R3HDM2: variants seen among roughly 807,000 people sequenced by gnomAD.
R3HDM2 encodes the protein R3H domain containing 2.
Under a neutral mutation model 124.5 loss-of-function variants are expected in R3HDM2, and 38 were observed. The ratio of observed to expected loss-of-function variants is 0.31; its 90% CI spans 0.24 to 0.40. The LOEUF (loss-of-function observed/expected upper bound fraction) is 0.40. R3HDM2 is among the 10% of genes least tolerant of loss of function. The probability of loss-of-function intolerance (pLI) is 1.00; values close to 1 mark genes in which losing one functional copy is unlikely to be tolerated. For missense variants in R3HDM2, 869 were observed against 1,236.9 expected (o/e 0.70, Z 4.46); for synonymous variants, 391 against 448.0 (o/e 0.87, Z 1.61).
intron 2 of R3HDM2, among the ~76,000 whole-genome samples, chr12:57,339,455 ACTTTGGGAGGC>A (rs912185251): frequency 6.6e-6 from 1 of 151,980 alleles, no homozygotes; most frequent in African/African-American, 2.4e-5. Context: ...TAATTCCAGC[ACTTTGGGAGGC>A]CGGTGGGTGG....
At chr12:57,393,444 T>G (rs1206762788) in intron 2 of R3HDM2, among the ~76,000 whole-genome samples, 1 of 152,082 alleles carries the variant, frequency 6.6e-6, no homozygotes, top group Non-Finnish European at 1.5e-5. Context: ...ATAGCCACTA[T>G]ACTCCAGCCT....
chr12:57,370,565 G>A (rs1049904404), intron 2 of R3HDM2, among the ~76,000 whole-genome samples: 4 of 152,182 alleles, frequency 2.6e-5, no homozygotes, highest in African/African-American at 7.2e-5. Context: ...GCTTGAACCC[G>A]GGAGGTGGAG....
At chr12:57,423,468 C>T (rs1249128292) in intron 1 of R3HDM2, among the ~76,000 whole-genome samples, 2 of 150,560 alleles carry the variant, frequency 1.3e-5, no homozygotes, top group Admixed American at 1.3e-4. Flanking sequence ...CAAGGTCTCC[C>T]ATATTCTTCC....
chr12:57,401,335 A>C (rs1441586460), intron 1 of R3HDM2, among the ~76,000 whole-genome samples: 1 of 151,962 alleles, frequency 6.6e-6, no homozygotes, highest in African/African-American at 2.4e-5. Flanking sequence ...ACCTCTTGGA[A>C]CCTAACCATC....
intron 2 of R3HDM2, among the ~76,000 whole-genome samples, chr12:57,348,693 C>CAAAAAAAAAAAAAAAAAAAAA (rs1168127324): frequency 8.0e-5 from 2 of 25,150 alleles, no homozygotes; most frequent in Admixed American, 5.7e-4. Context: ...GACTCCGTCT[C>CAAAAAAAAAAAAAAAAAAAAA]AAAAAAAAAA....
At chr12:57,349,795 C>T (rs1000135066) in intron 2 of R3HDM2, among the ~76,000 whole-genome samples, 1 of 152,056 alleles carries the variant, frequency 6.6e-6, no homozygotes, top group Admixed American at 6.6e-5. Flanking sequence ...CTCCTGTCCT[C>T]GTGATCCACC....
intron 2 of R3HDM2, among the ~76,000 whole-genome samples, chr12:57,320,284 A>AAAAAAAAAAAAAAAAAAAC: frequency 6.8e-6 from 1 of 147,016 alleles, no homozygotes; most frequent in Non-Finnish European, 1.5e-5. Flanking sequence ...AAAAAAAAAA[A>AAAAAAAAAAAAAAAAAAAC]AAAAGCCTTA....
At chr12:57,321,879 T>C (rs1043643475) in intron 2 of R3HDM2, among the ~76,000 whole-genome samples, 17 of 152,252 alleles carry the variant, frequency 1.1e-4, no homozygotes, top group African/African-American at 4.1e-4. Flanking sequence ...CCAGGACTGA[T>C]TGAAATATTC....
At chr12:57,326,370 A>G (rs1289998610) in intron 2 of R3HDM2, among the ~76,000 whole-genome samples, 1 of 152,256 alleles carries the variant, frequency 6.6e-6, no homozygotes, top group Non-Finnish European at 1.5e-5. Context: ...GCAGTTACCC[A>G]TCTGGTGAAT....
Position 57,296,869 on chromosome 12 carries a change from GC to G in R3HDM2, c.561-319del, listed in dbSNP as rs1196279057. 2.8e-5 allele frequency: 7 copies of G among 251,460 alleles called. No homozygotes were observed. Among genetic ancestry groups the G allele is most frequent in the Non-Finnish European group, 4.6e-5 (6 of 130,148 alleles). 15.6% of individuals were successfully genotyped at this position (251,460 alleles called of 1,614,324 possible). ...AATTGAGTTCAGGAGTTCAAGACCA[GC>G]CTGGTCAACATGGTGAAACCCCGTC... On this transcript the variant is annotated intron_variant, in intron 8 of 23. Transcript: ENST00000402412. This position sits in a 1 kb window ranked among gnomAD's most constrained non-coding sequence, Gnocchi z 4.5.
chr12:57,321,015 A>G (rs1566139879), intron 2 of R3HDM2, among the ~76,000 whole-genome samples: 1 of 152,200 alleles, frequency 6.6e-6, no homozygotes, highest in East Asian at 1.9e-4. Flanking sequence ...CAATTGATAC[A>G]TTTTAAAAAA....
At chr12:57,335,152 A>G (rs985528263) in intron 2 of R3HDM2, among the ~76,000 whole-genome samples, 1 of 151,686 alleles carries the variant, frequency 6.6e-6, no homozygotes, top group African/African-American at 2.4e-5. Flanking sequence ...TACAAAATAT[A>G]TAACATATAT....
chr12:57,260,940 C>T (rs545853935), intron 19 of R3HDM2, among the ~76,000 whole-genome samples: 1 of 152,210 alleles, frequency 6.6e-6, no homozygotes, highest in East Asian at 1.9e-4. Flanking sequence ...ATCATATTCC[C>T]CAGACCATTT....
chr12:57,314,833 G>T (rs1178562495), intron 2 of R3HDM2, among the ~76,000 whole-genome samples: 1 of 152,060 alleles, frequency 6.6e-6, no homozygotes, highest in African/African-American at 2.4e-5. Flanking sequence ...GAAAGAAAAG[G>T]TGATATAAAA....
chr12:57,332,011 G>A (rs981127492), intron 2 of R3HDM2, among the ~76,000 whole-genome samples: 1 of 151,812 alleles, frequency 6.6e-6, no homozygotes, highest in Non-Finnish European at 1.5e-5. Context: ...GATCATTTGA[G>A]CCCAGGAGGC....
intron 2 of R3HDM2, among the ~76,000 whole-genome samples, chr12:57,374,051 C>T (rs1172310391): frequency 6.6e-6 from 1 of 151,864 alleles, no homozygotes; most frequent in Non-Finnish European, 1.5e-5. Flanking sequence ...TTGCTTGAAC[C>T]CAGGAGACAG....
chr12:57,335,218 A>AT (rs950254169), intron 2 of R3HDM2, among the ~76,000 whole-genome samples: 12 of 151,212 alleles, frequency 7.9e-5, no homozygotes, highest in African/African-American at 2.4e-4. Context: ...CATACTTTTT[A>AT]TTTTTTTGAC....
chr12:57,336,446 A>G (rs966420485), intron 2 of R3HDM2, among the ~76,000 whole-genome samples: 45 of 152,208 alleles, frequency 3.0e-4, no homozygotes, highest in African/African-American at 8.9e-4. Flanking sequence ...CTGGATAAAG[A>G]AAATGTGGTA....
At chr12:57,347,817 G>T (rs1335074880) in intron 2 of R3HDM2, among the ~76,000 whole-genome samples, 2 of 151,960 alleles carry the variant, frequency 1.3e-5, no homozygotes, top group Non-Finnish European at 2.9e-5. Flanking sequence ...ACATTCAAAG[G>T]AATCACAATG....
Sources: allele counts gnomAD v4.1 joint callset (sites outside exome capture counted in the v4.1 genomes callset), GRCh38; gene constraint gnomAD v4.1.1; non-coding constraint Gnocchi (gnomAD v3.1); transcripts MANE v1.5; gene names NCBI Gene and HGNC (gene_info 2026-07-23, HGNC 2026-07-21).